STIP1: variants seen among roughly 807,000 people sequenced by gnomAD.
STIP1 encodes the protein stress-induced-phosphoprotein 1.
Under a neutral mutation model 77.4 loss-of-function variants are expected in STIP1, and 16 were observed. The observed-to-expected ratio is 0.21, with a 90% CI of 0.14 to 0.31. The LOEUF (loss-of-function observed/expected upper bound fraction) is 0.31, where lower values mean the gene tolerates loss of function less well. STIP1 is among the 10% of genes least tolerant of loss of function. The pLI, the probability that STIP1 is intolerant of heterozygous loss-of-function variation, is 1.00. For synonymous variants in STIP1, 258 were observed against 246.6 expected (o/e 1.05, Z -0.44); for missense variants, 524 against 684.8 (o/e 0.77, Z 2.62).
chr11:64,203,918 G>T, intron 13 of STIP1, 136 bp from the exon 14 acceptor site: 1 of 1,056,636 alleles, frequency 9.5e-7, no homozygotes, highest in South Asian at 1.3e-5. Context: ...GGCCTCTGCA[G>T]CTCGGCGCCC....
chr11:64,187,599 G>T (rs1297204747), intron 1 of STIP1, among the ~76,000 whole-genome samples: 2 of 152,180 alleles, frequency 1.3e-5, no homozygotes, highest in Admixed American at 6.5e-5. Context: ...AATGAAGTTA[G>T]TAAACTTTTT....
At chr11:64,191,450 A>AG (rs1946091629) in intron 1 of STIP1, among the ~76,000 whole-genome samples, 2 of 151,062 alleles carry the variant, frequency 1.3e-5, no homozygotes, top group African/African-American at 4.9e-5. Context: ...TACTAAAAAT[A>AG]CAAAAATTAG....
Position 64,200,340 on chromosome 11 carries a change from G to A in STIP1, c.1245+47G>A, listed in dbSNP as rs1336692599. ...GCCATTACTGAAAGCCTGCACATGAGGAGTGGGTTTTCTCTCTCTCTCCTC... is the reference window on the plus strand; with the variant it reads ...GCCATTACTGAAAGCCTGCACATGAAGAGTGGGTTTTCTCTCTCTCTCCTC... On this transcript the variant is annotated intron_variant, in intron 10 of 13. Coordinates refer to ENST00000305218, the MANE Select transcript of STIP1 (RefSeq NM_006819.3). 13 of 1,565,524 alleles carry A rather than the reference G, an allele frequency of 8.3e-6. No homozygotes were observed. The East Asian group carries it at 2.5e-4, about 30-fold the overall frequency.
intron 5 of STIP1, among the ~76,000 whole-genome samples, chr11:64,196,049 T>C (rs1255269704): frequency 2.0e-5 from 3 of 152,132 alleles, no homozygotes; most frequent in Non-Finnish European, 2.9e-5. Flanking sequence ...TTGAGTGCTT[T>C]AGTATGCGCT....
In STIP1 at chr11:64,197,841, CTT is replaced by C. The variant is rs749380673; in HGVS notation, c.903-11_903-10del. On this transcript the variant is annotated splice_polypyrimidine_tract_variant and intron_variant, in intron 7 of 13. Transcript: ENST00000305218. ...TCTGTCCTAAGCAGTCCTTGTCCCT[CTT>C]TCTTTATCAGAGCATATGCTCGAAT... 1.9e-6 allele frequency: 3 copies of C among 1,610,668 alleles called. No homozygotes were observed. Among genetic ancestry groups the C allele is most frequent in the Non-Finnish European group, 8.5e-7 (1 of 1,179,376 alleles).
At chr11:64,196,986 A>T (rs1197297034) in intron 5 of STIP1, 1 of 372,012 alleles carries the variant, frequency 2.7e-6, no homozygotes, top group African/African-American at 2.1e-5. Context: ...GGTTGCTTCA[A>T]GTCGAAGGGA....
In STIP1 at chr11:64,200,307, T is replaced by A. The variant is rs1265217917; in HGVS notation, c.1245+14T>A. 1.9e-6 allele frequency: 3 copies of A among 1,598,914 alleles called. No homozygotes were observed. In the Admixed American group the frequency reaches 5.4e-5, roughly 29 times the overall value. On this transcript the variant is annotated intron_variant, in intron 10 of 13. Coordinates refer to ENST00000305218, the MANE Select transcript of STIP1 (RefSeq NM_006819.3). ...CTGGCACTCAAGGTGACGAGACCTG[T>A]GGGGGCGGCCATTACTGAAAGCCTG...
intron 1 of STIP1, among the ~76,000 whole-genome samples, chr11:64,188,991 C>T (rs1034768857): frequency 6.6e-6 from 1 of 152,042 alleles, no homozygotes; most frequent in Admixed American, 6.6e-5. Context: ...CCGAGGTGGG[C>T]GGATCATGAG....
At chr11:64,186,913 G>A (rs1330469702) in intron 1 of STIP1, among the ~76,000 whole-genome samples, 1 of 152,200 alleles carries the variant, frequency 6.6e-6, no homozygotes, top group Non-Finnish European at 1.5e-5. Context: ...AGGGAAGGGT[G>A]CCGCAAAAGT....
chr11:64,188,032 C>T (rs1946045746), intron 1 of STIP1, among the ~76,000 whole-genome samples: 1 of 128,678 alleles, frequency 7.8e-6, no homozygotes, highest in African/African-American at 3.1e-5. Context: ...AGCGAGACTC[C>T]GTCTCAAAAA....
In STIP1 at chr11:64,202,955, G is replaced by T. The variant is rs752282509; in HGVS notation, c.1282+43G>T. ...GCCTGTCCCCTGTCTCTAGCCAAAA[G>T]ATTAGAGAAGGAAAGGGCAAGCCCT... On this transcript the variant is annotated intron_variant, in intron 11 of 13. Coordinates refer to ENST00000305218, the MANE Select transcript of STIP1 (RefSeq NM_006819.3). 6 of 1,614,008 alleles carry T rather than the reference G, an allele frequency of 3.7e-6. No individual in the cohort carries two copies. In the East Asian group the frequency reaches 1.1e-4, roughly 30 times the overall value.
intron 1 of STIP1, among the ~76,000 whole-genome samples, chr11:64,189,613 C>A (rs968513522): frequency 6.6e-6 from 1 of 151,866 alleles, no homozygotes; most frequent in Non-Finnish European, 1.5e-5. Flanking sequence ...ACACTTCTTA[C>A]ATTTAACCCA....
chr11:64,192,617 C>G (rs1946105233), intron 1 of STIP1, among the ~76,000 whole-genome samples: 1 of 152,220 alleles, frequency 6.6e-6, no homozygotes, highest in Non-Finnish European at 1.5e-5. Flanking sequence ...AGAGAAGTCT[C>G]CGCTGCCATC....
At chr11:64,188,829 GC>G (rs987401088) in intron 1 of STIP1, among the ~76,000 whole-genome samples, 17 of 152,158 alleles carry the variant, frequency 1.1e-4, no homozygotes, top group African/African-American at 3.6e-4. Context: ...GTGTGTTTGA[GC>G]CCACCATCTG....
rs533737842 is a variant in STIP1, at chr11:64,195,696, C to T, written c.555C>T (p.Val185=). Residue 185 remains valine, a synonymous_variant, in exon 5 of 14, where the codon GTC becomes GTT. Transcript: ENST00000305218. ...IMTTLSVLLG[V]DLGSMDEEEE... is the part of the protein sequence containing the mutation. ...CCACTCTCAGCGTCCTCCTTGGGGTCGATCTGGGCAGTATGGATGAGGAGG... is the reference window on the plus strand; with the variant it reads ...CCACTCTCAGCGTCCTCCTTGGGGTTGATCTGGGCAGTATGGATGAGGAGG... 1.8e-4 allele frequency: 290 copies of T among 1,613,952 alleles called. 1 individual carries two copies. In the South Asian group the frequency reaches 2.5e-3, roughly 14 times the overall value.
At chr11:64,188,356 A>G (rs1565277151) in intron 1 of STIP1, among the ~76,000 whole-genome samples, 2 of 151,384 alleles carry the variant, frequency 1.3e-5, no homozygotes, top group Middle Eastern at 3.4e-3. Flanking sequence ...AAAAAAAAAA[A>G]AAAGAAAAGA....
intron 8 of STIP1, among the ~76,000 whole-genome samples, chr11:64,199,349 A>T (rs1002193208): frequency 1.0e-4 from 15 of 149,694 alleles, no homozygotes; most frequent in Non-Finnish European, 1.8e-4. Flanking sequence ...CTAAATAAAT[A>T]AAAAAAATTA....
In STIP1 at chr11:64,204,191, A is replaced by AGCG; in HGVS notation, c.*67_*68insGGC. Reference sequence around the variant, plus strand: ...AAGAGGAGCTGGGACCGCGGCGAGCAGCACGGAGCGGAAGGGAGAGCAGGG... The same window carrying AGCG: ...AAGAGGAGCTGGGACCGCGGCGAGCAGCGGCACGGAGCGGAAGGGAGAGCAGGG... On this transcript the variant is annotated 3_prime_UTR_variant, in exon 14 of 14. Transcript: ENST00000305218. 1.7e-5 allele frequency: 26 copies of AGCG among 1,557,944 alleles called. 1 individual carries two copies. The South Asian group carries it at 2.7e-4, about 16-fold the overall frequency.
At chr11:64,200,356 C>T (rs1946203899) in intron 10 of STIP1, 63 bp downstream of exon 10, 2 of 1,549,234 alleles carry the variant, frequency 1.3e-6, no homozygotes, top group East Asian at 2.2e-5. Context: ...GGTTTTCTCT[C>T]TCTCTCCTCA....
Sources: allele counts gnomAD v4.1 joint callset (sites outside exome capture counted in the v4.1 genomes callset), GRCh38; gene constraint gnomAD v4.1.1; transcripts MANE v1.5; gene names NCBI Gene and HGNC (gene_info 2026-07-23, HGNC 2026-07-21).